The following DEPDC1B variants were observed in gnomAD, a reference collection of about 807,000 sequenced individuals.
DEPDC1B encodes the protein DEP domain containing 1B.
A neutral mutation model predicts 66.5 loss-of-function variants in DEPDC1B; 51 were observed. That is an observed-to-expected ratio of 0.77 (90% CI 0.61 to 0.97). The LOEUF (loss-of-function observed/expected upper bound fraction) is 0.97. Among genes scored for constraint, DEPDC1B ranks in the 50% least tolerant of loss-of-function variants. The pLI is 0.00. For synonymous variants in DEPDC1B, 226 were observed against 223.6 expected (o/e 1.01, Z -0.10); for missense variants, 552 against 637.1 (o/e 0.87, Z 1.44).
intron 2 of DEPDC1B, among the ~76,000 whole-genome samples, chr5:60,670,350 G>A (rs1341677475): frequency 2.0e-5 from 3 of 152,156 alleles, no homozygotes; most frequent in African/African-American, 7.2e-5. Flanking sequence ...CTCCAGCCTA[G>A]GCAACAGAGC....
intron 1 of DEPDC1B, among the ~76,000 whole-genome samples, chr5:60,689,399 C>G (rs1009882667): frequency 6.6e-6 from 1 of 152,122 alleles, no homozygotes; most frequent in Admixed American, 6.5e-5. Flanking sequence ...AAACTTGTGT[C>G]CCCATTGTGT....
chr5:60,635,836 C>T (rs917636339), intron 7 of DEPDC1B, among the ~76,000 whole-genome samples: 10 of 152,086 alleles, frequency 6.6e-5, no homozygotes, highest in African/African-American at 1.9e-4. Flanking sequence ...TAAGGATTGG[C>T]AATTTAATTA....
At chr5:60,675,903 C>CTTTTTT (rs35113345) in intron 2 of DEPDC1B, among the ~76,000 whole-genome samples, 4 of 138,972 alleles carry the variant, frequency 2.9e-5, no homozygotes, top group Middle Eastern at 3.8e-3. Context: ...TTTCTTTTTT[C>CTTTTTT]TTTTTTTTTT....
chr5:60,672,138 C>G (rs915466666), intron 2 of DEPDC1B, among the ~76,000 whole-genome samples: 1 of 152,176 alleles, frequency 6.6e-6, no homozygotes, highest in African/African-American at 2.4e-5. Context: ...CTGGTGGATA[C>G]AGAGATAAAG....
At chr5:60,699,844 C>A (rs972527473) in intron 1 of DEPDC1B, among the ~76,000 whole-genome samples, 1 of 152,232 alleles carries the variant, frequency 6.6e-6, no homozygotes, top group Non-Finnish European at 1.5e-5. Flanking sequence ...GCACTAACCC[C>A]CGGCCGGCTG....
rs765722473 is a variant in DEPDC1B, at chr5:60,599,137, A to G, written c.1366T>C (p.Leu456=). The change falls in exon 10 of 11, where the codon TTG becomes CTG. Residue 456 remains leucine, a synonymous_variant. Transcript: ENST00000265036. ...YGSQEPLAAL[L]EEVITDAKLS... is the part of the protein sequence containing the mutation. ...TTGGCATCTGTTATGACTTCCTCCA[A>G]CAAGGCTGCCAGAGGTTCCTGAGAG... The G allele has an allele frequency of 3.1e-6, 5 of 1,613,318 alleles. No individual in the cohort carries two copies. Among genetic ancestry groups the G allele is most frequent in the Non-Finnish European group, 3.4e-6 (4 of 1,179,644 alleles).
intron 6 of DEPDC1B, among the ~76,000 whole-genome samples, chr5:60,640,613 G>A (rs1443684052): frequency 6.6e-6 from 1 of 152,122 alleles, no homozygotes; most frequent in South Asian, 2.1e-4. Context: ...CAGTTAACTT[G>A]GTTTTGCATT....
chr5:60,626,042 GA>G (rs1677098207), intron 7 of DEPDC1B, among the ~76,000 whole-genome samples: 1 of 151,584 alleles, frequency 6.6e-6, no homozygotes, highest in Non-Finnish European at 1.5e-5. Flanking sequence ...TGATTCTAGT[GA>G]TTTTTTTTGT....
chr5:60,615,809 C>T (rs142103260), intron 7 of DEPDC1B, among the ~76,000 whole-genome samples: 2,961 of 152,294 alleles, frequency 0.019, 103 homozygotes, highest in African/African-American at 0.064. Context: ...TCTCCCAGCA[C>T]GCAGCTTGAG....
intron 2 of DEPDC1B, among the ~76,000 whole-genome samples, chr5:60,658,939 G>T (rs755379622): frequency 1.3e-5 from 2 of 152,192 alleles, no homozygotes; most frequent in African/African-American, 2.4e-5. Flanking sequence ...ATCCAGCAGG[G>T]TGTCTGCTGT....
intron 7 of DEPDC1B, among the ~76,000 whole-genome samples, chr5:60,638,337 T>G (rs1005756176): frequency 6.6e-6 from 1 of 152,176 alleles, no homozygotes; most frequent in African/African-American, 2.4e-5. Context: ...AAAACCTGTT[T>G]CTTCTATAAA....
intron 1 of DEPDC1B, among the ~76,000 whole-genome samples, chr5:60,691,284 C>T (rs1354975374): frequency 2.0e-5 from 3 of 151,654 alleles, no homozygotes; most frequent in African/African-American, 7.3e-5. Context: ...GAACTCCTGA[C>T]CTCAGGTAAT....
chr5:60,678,398 T>G (rs973286853), intron 2 of DEPDC1B, among the ~76,000 whole-genome samples: 1 of 152,218 alleles, frequency 6.6e-6, no homozygotes, highest in African/African-American at 2.4e-5. Context: ...GTGTAAACAT[T>G]GTTTTTGTCT....
chr5:60,606,719 G>A (rs936439906), intron 7 of DEPDC1B, among the ~76,000 whole-genome samples: 7 of 151,484 alleles, frequency 4.6e-5, no homozygotes, highest in Admixed American at 1.3e-4. Context: ...TTTGAGCCCA[G>A]GAGTTTGAGG....
intron 1 of DEPDC1B, among the ~76,000 whole-genome samples, chr5:60,695,885 G>A (rs776256641): frequency 1.3e-5 from 2 of 152,034 alleles, no homozygotes; most frequent in African/African-American, 2.4e-5. Flanking sequence ...TGCAACCTCC[G>A]ACGCCCTGGT....
intron 1 of DEPDC1B, among the ~76,000 whole-genome samples, chr5:60,692,182 G>A (rs1346449110): frequency 6.6e-6 from 1 of 152,138 alleles, no homozygotes; most frequent in Non-Finnish European, 1.5e-5. Context: ...AGAGGCTGAG[G>A]GGAGTGGGGA....
intron 1 of DEPDC1B, among the ~76,000 whole-genome samples, chr5:60,694,804 G>A (rs1043724574): frequency 1.6e-4 from 24 of 152,272 alleles, no homozygotes; most frequent in Non-Finnish European, 1.9e-4. Context: ...ACAAAGACCA[G>A]TGCCTGACAT....
At chr5:60,645,147 T>C (rs1185797277) in intron 4 of DEPDC1B, among the ~76,000 whole-genome samples, 1 of 152,166 alleles carries the variant, frequency 6.6e-6, no homozygotes, top group Non-Finnish European at 1.5e-5. Flanking sequence ...AAAACTAACT[T>C]ATCCAATGAT....
chr5:60,664,322 T>G (rs1753788900), intron 2 of DEPDC1B, among the ~76,000 whole-genome samples: 1 of 152,210 alleles, frequency 6.6e-6, no homozygotes, highest in Non-Finnish European at 1.5e-5. Flanking sequence ...GCAGTAGCAG[T>G]CTTAGTATCT....
Sources: allele counts gnomAD v4.1 joint callset (sites outside exome capture counted in the v4.1 genomes callset), GRCh38; gene constraint gnomAD v4.1.1; transcripts MANE v1.5; gene names NCBI Gene and HGNC (gene_info 2026-07-23, HGNC 2026-07-21).